Variants in UBR1 observed in about 807,000 individuals in gnomAD.
The protein encoded by UBR1 is ubiquitin protein ligase E3 component n-recognin 1, also known as E3 ubiquitin-protein ligase UBR1.
Under a neutral mutation model 242.1 loss-of-function variants are expected in UBR1, and 102 were observed. The observed-to-expected ratio is 0.42, with a 90% CI of 0.36 to 0.50. UBR1 has a LOEUF of 0.50. UBR1 is among the 20% of genes least tolerant of loss of function. UBR1 has a pLI of 0.01. For synonymous variants in UBR1, 675 were observed against 684.8 expected, an observed-to-expected ratio of 0.99 and a Z score of 0.22; for missense variants, 1,772 against 2,101.8, an observed-to-expected ratio of 0.84 and a Z score of 3.07.
intron 10 of UBR1, among the ~76,000 whole-genome samples, chr15:43,056,772 G>A (rs1242685142): frequency 6.6e-6 from 1 of 152,164 alleles, no homozygotes; most frequent in African/African-American, 2.4e-5. Context: ...AACAGAATCT[G>A]GGGCAATCTT....
intron 27 of UBR1, among the ~76,000 whole-genome samples, chr15:43,017,976 G>C (rs1440593214): frequency 6.6e-6 from 1 of 151,056 alleles, no homozygotes; most frequent in Non-Finnish European, 1.5e-5. Context: ...TTTATCTTCG[G>C]AGACATTTCG....
At chr15:42,946,085 G>C (rs1218076234) in intron 46 of UBR1, among the ~76,000 whole-genome samples, 2 of 152,160 alleles carry the variant, frequency 1.3e-5, no homozygotes, top group African/African-American at 4.8e-5. Flanking sequence ...AATTCCTTGA[G>C]ACATTCAAGT....
chr15:43,021,344 C>T lies in UBR1; in HGVS notation c.2871G>A (p.Met957Ile), dbSNP rs1380638654. ...GAATTCCTTTGAGTTTTTCCAAAAG[C>T]ATTTGTATATTCATGGCTGAACTTC... ...RLGSSAMNIQ[M>I]LLEKLKGIPQ... Residue 957 changes from methionine to isoleucine, a missense_variant, in exon 27 of 47, where the codon ATG becomes ATA. Physicochemically the swap from Met to Ile is conservative, Grantham distance 10. This residue lies in a region of UBR1 where 965 missense variants were observed against 1,079.7 expected (regional missense o/e 0.89). Transcript: ENST00000290650. 1 of 1,613,552 alleles carries T rather than the reference C, an allele frequency of 6.2e-7. No homozygotes were observed. Among genetic ancestry groups the T allele is most frequent in the Non-Finnish European group, 8.5e-7 (1 of 1,179,768 alleles).
At chr15:43,097,633 T>C (rs1010022125) in intron 1 of UBR1, among the ~76,000 whole-genome samples, 1 of 152,198 alleles carries the variant, frequency 6.6e-6, no homozygotes, top group African/African-American at 2.4e-5. Flanking sequence ...ACTTACTGCT[T>C]CACGCTGCAC....
chr15:43,053,407 T>C (rs2033579642), intron 12 of UBR1, among the ~76,000 whole-genome samples: 1 of 152,208 alleles, frequency 6.6e-6, no homozygotes, highest in African/African-American at 2.4e-5. Flanking sequence ...GATTTTTTTC[T>C]ATATTCACTG....
At chr15:42,975,890 A>C (rs905918567) in intron 39 of UBR1, among the ~76,000 whole-genome samples, 4 of 151,964 alleles carry the variant, frequency 2.6e-5, no homozygotes, top group Admixed American at 6.6e-5. Context: ...ATTAAAAAAA[A>C]ATTTTTTTGT....
At chr15:43,076,394 G>A (rs1410076097) in intron 3 of UBR1, among the ~76,000 whole-genome samples, 2 of 152,156 alleles carry the variant, frequency 1.3e-5, no homozygotes, top group Non-Finnish European at 2.9e-5. Flanking sequence ...CCTCTGCACG[G>A]CCGCCACCCC....
Position 43,037,767 on chromosome 15 carries a change from C to T in UBR1, c.2022+6G>A. 1.9e-6 allele frequency: 3 copies of T among 1,612,364 alleles called. No homozygotes were observed. The highest frequency in any genetic ancestry group is 2.5e-6 in the Non-Finnish European group (3 of 1,178,484). On this transcript the variant is annotated splice_donor_region_variant and intron_variant, in intron 17 of 46. Coordinates refer to ENST00000290650, the MANE Select transcript of UBR1 (RefSeq NM_174916.3). ...TCATAAATATGAATAATAGACTTTG[C>T]TGTACCTGGCTAATAAGAGACAGTC... is the stretch of plus-strand genomic sequence containing the variant.
At chr15:42,961,790 T>C (rs2032024659) in intron 42 of UBR1, among the ~76,000 whole-genome samples, 1 of 151,942 alleles carries the variant, frequency 6.6e-6, no homozygotes, top group Non-Finnish European at 1.5e-5. Context: ...AGTCTACCTC[T>C]GTTGCCCAGA....
chr15:42,992,670 C>A (rs1290277626), intron 33 of UBR1, among the ~76,000 whole-genome samples: 1 of 152,128 alleles, frequency 6.6e-6, no homozygotes, highest in Non-Finnish European at 1.5e-5. Flanking sequence ...CTTGTGTGGA[C>A]CTCAAAAATA....
At chr15:42,968,818 T>A (rs2032155549) in intron 40 of UBR1, among the ~76,000 whole-genome samples, 1 of 152,166 alleles carries the variant, frequency 6.6e-6, no homozygotes. Context: ...GTTTCCAGCT[T>A]CATCCATATC....
intron 6 of UBR1, 81 bp from the exon 7 acceptor site, chr15:43,060,195 G>C (rs1302582832): frequency 7.5e-7 from 1 of 1,339,360 alleles, no homozygotes; most frequent in African/African-American, 1.4e-5. Context: ...AAGACTTAAT[G>C]AGCTCTTAAC....
chr15:42,976,985 A>T, intron 38 of UBR1, 118 bp from the exon 39 acceptor site: 1 of 1,117,584 alleles, frequency 8.9e-7, no homozygotes, highest in Non-Finnish European at 1.3e-6. Flanking sequence ...GTGTTTTTTA[A>T]TAAAAACCAT....
chr15:43,061,983 AAAT>A (rs1047557259), intron 6 of UBR1, among the ~76,000 whole-genome samples: 14 of 152,256 alleles, frequency 9.2e-5, no homozygotes, highest in South Asian at 2.1e-4. Context: ...GTAAAAAAAA[AAAT>A]AATAATAACA....
intron 11 of UBR1, among the ~76,000 whole-genome samples, chr15:43,055,391 C>A (rs142590983): frequency 0.027 from 4,070 of 151,826 alleles, 180 homozygotes; most frequent in African/African-American, 0.087. Context: ...TGCAGTGAGC[C>A]GAGATCGTGC....
intron 44 of UBR1, among the ~76,000 whole-genome samples, chr15:42,956,210 AAAC>A (rs1361185879): frequency 1.3e-5 from 2 of 152,236 alleles, no homozygotes; most frequent in Non-Finnish European, 2.9e-5. Context: ...GTGGCTTAAA[AAAC>A]AACAACAAAA....
At chr15:43,080,588 A>T (rs574977228) in intron 3 of UBR1, among the ~76,000 whole-genome samples, 1 of 152,298 alleles carries the variant, frequency 6.6e-6, no homozygotes. Flanking sequence ...TATGTACCAC[A>T]GTTTTTCCAT....
intron 1 of UBR1, among the ~76,000 whole-genome samples, chr15:43,094,228 G>C (rs2034134798): frequency 6.6e-6 from 1 of 152,124 alleles, no homozygotes; most frequent in Non-Finnish European, 1.5e-5. Flanking sequence ...TCAGGAGTTT[G>C]AGACCAGCCT....
chr15:43,013,860 T>A (rs921848032), intron 29 of UBR1, among the ~76,000 whole-genome samples: 2 of 152,104 alleles, frequency 1.3e-5, no homozygotes, highest in Non-Finnish European at 2.9e-5. Context: ...TGGCCTCTCC[T>A]CCTCCCCTTC....
Sources: gnomAD v4.1 joint callset for allele counts (sites outside exome capture counted in the v4.1 genomes callset) on GRCh38, gnomAD v4.1.1 for gene constraint, gnomAD v4.1.1 regional missense constraint, MANE v1.5 for transcripts, NCBI Gene and HGNC (gene_info 2026-07-23, HGNC 2026-07-21) for gene names.